The following NTM variants were observed in gnomAD, a reference collection of about 807,000 sequenced individuals.
NTM encodes the protein neurotrimin, also known as IgLON family member 2.
NTM carries 13 observed loss-of-function variants against 42.1 expected under a neutral mutation model. The observed-to-expected ratio is 0.31, with a 90% CI of 0.20 to 0.49. The LOEUF is 0.49. NTM is among the 20% of genes least tolerant of loss of function. NTM has a pLI of 0.99. For synonymous variants in NTM, 187 were observed against 179.2 expected (o/e 1.04, Z -0.35); for missense variants, 373 against 452.8 (o/e 0.82, Z 1.60).
intron 1 of NTM, among the ~76,000 whole-genome samples, chr11:131,638,637 T>G (rs920040611): frequency 4.0e-5 from 6 of 151,028 alleles, no homozygotes; most frequent in Non-Finnish European, 7.4e-5. Context: ...GGAATTGCTC[T>G]GATAAAATGA....
chr11:131,402,502 A>G (rs1313487240), intron 1 of NTM, among the ~76,000 whole-genome samples: 1 of 152,024 alleles, frequency 6.6e-6, no homozygotes, highest in Non-Finnish European at 1.5e-5. Flanking sequence ...AAACTAAGAG[A>G]AAAAAAGGAG....
At chr11:132,151,334 A>C (rs1296807926) in intron 3 of NTM, among the ~76,000 whole-genome samples, 1 of 152,200 alleles carries the variant, frequency 6.6e-6, no homozygotes, top group Non-Finnish European at 1.5e-5. Context: ...CTAAGAACCC[A>C]TGAATGGTGG....
Position 131,669,410 on chromosome 11 carries a change from T to A in NTM, c.83-242154T>A, listed in dbSNP as rs574132186. Among the ~76,000 whole-genome samples the A allele has an allele frequency of 1.4e-4, 22 of 152,350 alleles. No individual in the cohort carries two copies. In the South Asian group the frequency reaches 4.4e-3, roughly 30 times the overall value. On this transcript the variant is annotated intron_variant, in intron 1 of 8. Transcript: ENST00000683400. ...AAGCATCTGTTTAAGGAGGTTTTTATGAGCATTAAGTGAGGTGTGCATGTG... is the reference window on the plus strand; with the variant it reads ...AAGCATCTGTTTAAGGAGGTTTTTAAGAGCATTAAGTGAGGTGTGCATGTG...
At chr11:131,783,567 C>T (rs2088575747) in intron 1 of NTM, among the ~76,000 whole-genome samples, 2 of 152,172 alleles carry the variant, frequency 1.3e-5, no homozygotes, top group South Asian at 4.2e-4. Context: ...ATGTATGGTG[C>T]TCAAAAAACT....
intron 5 of NTM, 56 bp from the exon 6 acceptor site, chr11:132,310,056 C>CAAAAAA: frequency 9.1e-6 from 12 of 1,316,894 alleles, no homozygotes; most frequent in Admixed American, 3.5e-5. Flanking sequence ...GACTCCATCT[C>CAAAAAA]AAAAAAAAAA....
intron 2 of NTM, among the ~76,000 whole-genome samples, chr11:132,009,920 CCCTTTTTTTCTGAGTTCA>C (rs1208569520): frequency 6.6e-6 from 1 of 152,138 alleles, no homozygotes; most frequent in African/African-American, 2.4e-5. Context: ...GAGAAGGTTA[CCCTTTTTTTCTGAGTTCA>C]CTGCTGAATG....
chr11:131,683,727 C>T (rs564786241), intron 1 of NTM, among the ~76,000 whole-genome samples: 48 of 152,330 alleles, frequency 3.2e-4, no homozygotes, highest in African/African-American at 1.1e-3. Flanking sequence ...CATTCATGCT[C>T]ATATTTTGGG....
At chr11:131,890,223 C>A (rs1286721993) in intron 1 of NTM, among the ~76,000 whole-genome samples, 5 of 151,960 alleles carry the variant, frequency 3.3e-5, no homozygotes, top group Non-Finnish European at 7.4e-5. Context: ...CCACCTCACC[C>A]CTGACCCTCA....
At chr11:132,194,148 A>AAACAAC (rs372400785) in intron 3 of NTM, among the ~76,000 whole-genome samples, 4 of 151,974 alleles carry the variant, frequency 2.6e-5, no homozygotes, top group African/African-American at 7.3e-5. Flanking sequence ...TGAAACAAAC[A>AAACAAC]AACAACAACA....
intron 1 of NTM, among the ~76,000 whole-genome samples, chr11:131,898,871 C>T (rs573452057): frequency 5.3e-5 from 8 of 152,290 alleles, no homozygotes; most frequent in South Asian, 2.1e-4. Flanking sequence ...TTGAGGCCAA[C>T]GCTGTGGAGC....
chr11:132,161,330 T>C (rs12797802), intron 3 of NTM, among the ~76,000 whole-genome samples: 49,708 of 146,656 alleles, frequency 0.34, 8,701 homozygotes, highest in Middle Eastern at 0.4. Flanking sequence ...ATTTTCCACC[T>C]AGCTCTTGGA....
intron 1 of NTM, among the ~76,000 whole-genome samples, chr11:131,845,762 A>G (rs2044825805): frequency 6.6e-6 from 1 of 152,086 alleles, no homozygotes; most frequent in Non-Finnish European, 1.5e-5. Context: ...ATATTTTAAA[A>G]AAATAAAAGA....
intron 7 of NTM, chr11:132,314,916 TAC>T: frequency 7.5e-7 from 1 of 1,338,964 alleles, no homozygotes; most frequent in East Asian, 2.7e-5. Context: ...GAACAAGAGA[TAC>T]AGTTTACATG....
At chr11:132,182,134 A>G (rs946386825) in intron 3 of NTM, among the ~76,000 whole-genome samples, 1 of 152,144 alleles carries the variant, frequency 6.6e-6, no homozygotes, top group Non-Finnish European at 1.5e-5. Context: ...CAGTCAAGCT[A>G]GAAACCTCCA....
intron 3 of NTM, among the ~76,000 whole-genome samples, chr11:132,157,939 A>G (rs2073544953): frequency 6.6e-6 from 1 of 152,156 alleles, no homozygotes; most frequent in Non-Finnish European, 1.5e-5. Context: ...AGGTTTATCC[A>G]GTCCTGCCTC....
At chr11:131,971,387 A>AT (rs1426397530) in intron 2 of NTM, among the ~76,000 whole-genome samples, 11 of 151,966 alleles carry the variant, frequency 7.2e-5, no homozygotes, top group Non-Finnish European at 1.5e-5. Flanking sequence ...TCTTTGGCCT[A>AT]TTTTTTGATT....
intron 1 of NTM, among the ~76,000 whole-genome samples, chr11:131,571,683 C>G (rs1249210122): frequency 1.3e-5 from 2 of 152,212 alleles, no homozygotes; most frequent in African/African-American, 4.8e-5. Context: ...TGTTTATGTT[C>G]TTTGTTAAAG....
intron 2 of NTM, among the ~76,000 whole-genome samples, chr11:132,125,979 G>A (rs567130062): frequency 6.6e-6 from 1 of 151,962 alleles, no homozygotes; most frequent in African/African-American, 2.4e-5. Flanking sequence ...GGGATGAGTG[G>A]GCTGTTGGCA....
intron 1 of NTM, among the ~76,000 whole-genome samples, chr11:131,391,914 C>T (rs1281287820): frequency 6.6e-6 from 1 of 152,110 alleles, no homozygotes; most frequent in Non-Finnish European, 1.5e-5. Context: ...GGAAAATAAC[C>T]AATCTTCTGC....
Sources: allele counts gnomAD v4.1 joint callset (sites outside exome capture counted in the v4.1 genomes callset), GRCh38; gene constraint gnomAD v4.1.1; transcripts MANE v1.5; gene names NCBI Gene and HGNC (gene_info 2026-07-23, HGNC 2026-07-21).